The following SMIM8 variants were observed in gnomAD, a reference collection of about 807,000 sequenced individuals.
The protein encoded by SMIM8 is UPF0708 protein C6orf162.
A neutral mutation model predicts 8.1 loss-of-function variants in SMIM8; 8 were observed. The ratio of observed to expected loss-of-function variants is 0.99; its 90% CI spans 0.58 to 1.78. The LOEUF (loss-of-function observed/expected upper bound fraction) is 1.78, where lower values mean the gene tolerates loss of function less well. Ranked by LOEUF, SMIM8 falls within the 40% of genes most tolerant of loss-of-function variation. The pLI, the probability that SMIM8 is intolerant of heterozygous loss-of-function variation, is 0.00. For missense variants in SMIM8, 126 were observed against 119.8 expected (o/e 1.05, Z -0.24); for synonymous variants, 45 against 39.7 (o/e 1.13, Z -0.50).
intron 1 of SMIM8, among the ~76,000 whole-genome samples, chr6:87,327,442 C>A (rs1776856046): frequency 6.6e-6 from 1 of 152,162 alleles, no homozygotes; most frequent in Non-Finnish European, 1.5e-5. Flanking sequence ...TCTTTTAGGG[C>A]AGGCCTGCTG....
chr6:87,322,704 C>G (rs976346152), intron 1 of SMIM8, 72 bp downstream of exon 1: 1 of 152,220 alleles, frequency 6.6e-6, no homozygotes, highest in Non-Finnish European at 1.5e-5. Context: ...CGCACCATCA[C>G]GCTCCCGTCT....
intron 1 of SMIM8, among the ~76,000 whole-genome samples, chr6:87,327,946 G>A (rs1462858918): frequency 6.7e-6 from 1 of 150,006 alleles, no homozygotes; most frequent in Non-Finnish European, 1.5e-5. Context: ...TGGAGGCTTT[G>A]CTTGTTTCTT....
chr6:87,339,325 CGTGTGTGTGT>C (rs59321615), intron 3 of SMIM8, among the ~76,000 whole-genome samples: 5,642 of 124,026 alleles, frequency 0.045, 200 homozygotes, highest in African/African-American at 0.1. Flanking sequence ...CAAAACACAG[CGTGTGTGTGT>C]GTGTGTGTGT....
rs1209129014 is a variant in SMIM8, at chr6:87,332,320, C to CAT, written c.-24+1613_-24+1614dup. Among the ~76,000 whole-genome samples the CAT allele has an allele frequency of 9.8e-3, 914 of 93,082 alleles. 24 individuals carry two copies. The highest frequency in any genetic ancestry group is 0.039 in the African/African-American group (883 of 22,600). 61.1% of individuals were successfully genotyped at this position (93,082 alleles called of 152,430 possible). On this transcript the variant is annotated intron_variant, in intron 2 of 3. Transcript: ENST00000392863. Reference sequence around the variant, plus strand: ...TCTTTCTCCTCCTCTCCTCCCCCCCCATATATGTATATATATATATATAAA... The same window carrying CAT: ...TCTTTCTCCTCCTCTCCTCCCCCCCCATATATATGTATATATATATATATAAA...
At position 87,328,452 on chromosome 6, in the gene SMIM8, G is replaced by T. The variant is rs1007829594; in HGVS notation, c.-44-2240G>T. ...TTTGGTGTGGATGTCCTTTCTGTTT[G>T]TTAGTTTTCCTTCTAACAGACAGGA... On this transcript the variant is annotated intron_variant, in intron 1 of 3. Coordinates refer to ENST00000392863, the MANE Select transcript of SMIM8 (RefSeq NM_001042493.3). 9.5e-4 allele frequency among the ~76,000 whole-genome samples: 144 copies of T among 151,970 alleles called. 2 individuals are homozygous for T. The highest frequency in any genetic ancestry group is 3.5e-3 in the African/African-American group (143 of 41,424).
Position 87,337,043 on chromosome 6 carries a change from AC to A in SMIM8, c.14del (p.Pro5LeufsTer33). 6.2e-7 allele frequency: 1 copy of A among 1,610,892 alleles called. No individual in the cohort carries two copies. The highest frequency in any genetic ancestry group is 1.1e-5 in the South Asian group (1 of 90,194). ...CATCATTGATCAAGATGTCTTCAGCACCTGAGCCTCCAACATTCAAAAAGGA... is the reference window on the plus strand; with the variant it reads ...CATCATTGATCAAGATGTCTTCAGCACTGAGCCTCCAACATTCAAAAAGGA... MSSAPEPPTFKKEPP... is the reference protein window; with the variant it reads MSSAXEPPTFKKEPP... On this transcript the variant is annotated frameshift_variant, in exon 3 of 4. Coordinates refer to ENST00000392863, the MANE Select transcript of SMIM8 (RefSeq NM_001042493.3). LOFTEE classifies it high-confidence loss of function.
rs1777127068 is a variant in SMIM8, at chr6:87,337,016, A to G, written c.-16A>G. On this transcript the variant is annotated 5_prime_UTR_variant, in exon 3 of 4. Coordinates refer to ENST00000392863, the MANE Select transcript of SMIM8 (RefSeq NM_001042493.3). ...ATATTATTTTGTTTTTAGATAATAA[A>G]TCATCATTGATCAAGATGTCTTCAG... The G allele has an allele frequency of 1.9e-6, 3 of 1,577,204 alleles. No individual in the cohort carries two copies. Among genetic ancestry groups the G allele is most frequent in the Non-Finnish European group, 2.6e-6 (3 of 1,166,624 alleles).
rs917405182 is a variant in SMIM8, at chr6:87,323,270, GTTTA to G, written c.-45+650_-45+653del. Among the ~76,000 whole-genome samples the G allele has an allele frequency of 4.1e-4, 29 of 70,486 alleles. No individual in the cohort carries two copies. In the South Asian group the frequency reaches 6.2e-3, roughly 15 times the overall value. 46.2% of individuals were successfully genotyped at this position (70,486 alleles called of 152,430 possible). A position where few individuals can be genotyped will look rare whatever the true frequency, so the allele number is the denominator to read the frequency against. On this transcript the variant is annotated intron_variant, in intron 1 of 3. Coordinates refer to ENST00000392863, the MANE Select transcript of SMIM8 (RefSeq NM_001042493.3). ...TGGAAAGATACTTTTGTTTTGTTTT[GTTTA>G]TTTATTTATTTGTTATTATTATAAG...
At chr6:87,323,381 G>C (rs1039114418) in intron 1 of SMIM8, among the ~76,000 whole-genome samples, 1 of 151,830 alleles carries the variant, frequency 6.6e-6, no homozygotes, top group South Asian at 2.1e-4. Flanking sequence ...CCACCAACTG[G>C]ACATCTAACA....
chr6:87,333,007 A>T (rs1407669868), intron 2 of SMIM8, among the ~76,000 whole-genome samples: 1 of 152,248 alleles, frequency 6.6e-6, no homozygotes, highest in African/African-American at 2.4e-5. Context: ...CTATAAAGGA[A>T]TACTGAGGCT....
At chr6:87,337,209 C>T in intron 3 of SMIM8, 43 bp downstream of exon 3, 1 of 1,521,130 alleles carries the variant, frequency 6.6e-7, no homozygotes, top group Non-Finnish European at 8.8e-7. Context: ...TTAATCCAAC[C>T]AGACTGTCAG....
At chr6:87,330,498 G>GA (rs1305409932) in intron 1 of SMIM8, among the ~76,000 whole-genome samples, 194 bp from the exon 2 acceptor site, 1 of 151,874 alleles carries the variant, frequency 6.6e-6, no homozygotes, top group Admixed American at 6.6e-5. Context: ...CTAAAGAAGG[G>GA]AAAATCATTC....
intron 1 of SMIM8, among the ~76,000 whole-genome samples, chr6:87,326,010 G>A (rs1026246276): frequency 6.6e-5 from 10 of 152,116 alleles, no homozygotes; most frequent in African/African-American, 1.9e-4. Context: ...TGTATGTGTC[G>A]AGGAACTTAT....
At chr6:87,329,828 CAGAA>C (rs1776950801) in intron 1 of SMIM8, among the ~76,000 whole-genome samples, 3 of 152,068 alleles carry the variant, frequency 2.0e-5, no homozygotes. Context: ...CTGGGTTTCT[CAGAA>C]AGGGGTTTAG....
intron 1 of SMIM8, among the ~76,000 whole-genome samples, chr6:87,328,601 C>G (rs1776902675): frequency 6.6e-6 from 1 of 152,178 alleles, no homozygotes. Flanking sequence ...AGGAGGCAGT[C>G]TGCCTGTTCT....
At chr6:87,330,927 G>A (rs1480791919) in intron 2 of SMIM8, 1 of 151,942 alleles carries the variant, frequency 6.6e-6, no homozygotes, top group Non-Finnish European at 1.5e-5. Flanking sequence ...CACAGCCAGG[G>A]GTGCCTGATT....
At chr6:87,325,875 G>A (rs990498191) in intron 1 of SMIM8, among the ~76,000 whole-genome samples, 40 of 152,270 alleles carry the variant, frequency 2.6e-4, no homozygotes, top group African/African-American at 9.4e-4. Context: ...GTTAGAATTC[G>A]GCTGTGAAGC....
rs1461501147 is a variant in SMIM8 at position 87,342,240 on chromosome 6, G to A, written c.*1966G>A. The A allele has an allele frequency of 6.6e-6, 1 of 152,232 alleles. No homozygotes were observed. Among genetic ancestry groups the A allele is most frequent in the Non-Finnish European group, 1.5e-5 (1 of 68,036 alleles). The allele number at this position is 152,232 out of a possible 1,614,324, so 9.4% of individuals were successfully genotyped here. A position where few individuals can be genotyped will look rare whatever the true frequency, so the allele number is the denominator to read the frequency against. Reference sequence around the variant, plus strand: ...TCTTTGTGTGTGCTGAGTGTCAACAGCTGCCTGCCTATGTGTTGATGTTTT... The same window carrying A: ...TCTTTGTGTGTGCTGAGTGTCAACAACTGCCTGCCTATGTGTTGATGTTTT... On this transcript the variant is annotated 3_prime_UTR_variant, in exon 4 of 4. Transcript: ENST00000392863.
chr6:87,340,006 C>A, intron 3 of SMIM8, 110 bp from the exon 4 acceptor site: 1 of 722,516 alleles, frequency 1.4e-6, no homozygotes. Flanking sequence ...CATGGTAATG[C>A]TAGTGTTGTA....
Sources: gnomAD v4.1 joint callset for allele counts (sites outside exome capture counted in the v4.1 genomes callset) on GRCh38, gnomAD v4.1.1 for gene constraint, MANE v1.5 for transcripts, NCBI Gene and HGNC (gene_info 2026-07-23, HGNC 2026-07-21) for gene names.